GTF2IRD1: variants seen among roughly 807,000 people sequenced by gnomAD.
GTF2IRD1 encodes general transcription factor II-I repeat domain-containing protein 1.
Under a neutral mutation model 113.2 loss-of-function variants are expected in GTF2IRD1, and 26 were observed. The observed-to-expected ratio is 0.23, with a 90% CI of 0.17 to 0.32. The LOEUF is 0.32. Ranked by LOEUF, GTF2IRD1 falls within the 10% of genes least tolerant of loss-of-function variation. The pLI, the probability that GTF2IRD1 is intolerant of heterozygous loss-of-function variation, is 1.00. For synonymous variants in GTF2IRD1, 484 were observed against 529.1 expected, an observed-to-expected ratio of 0.91 and a Z score of 1.17; for missense variants, 864 against 1,280.8, an observed-to-expected ratio of 0.67 and a Z score of 4.97.
Position 74,508,058 on chromosome 7 carries a change from C to T in GTF2IRD1, c.-6-17C>T, listed in dbSNP as rs1554341591. ...CCTGCCTTGTGCCCACCACCACTGC[C>T]TCCTCCCTCCCCACAGGCGACCATG... On this transcript the variant is annotated splice_polypyrimidine_tract_variant and intron_variant, in intron 1 of 26. Transcript: ENST00000424337. 4 of 1,597,638 alleles carry T rather than the reference C, an allele frequency of 2.5e-6. No individual in the cohort carries two copies. Among genetic ancestry groups the T allele is most frequent in the Middle Eastern group, 1.7e-4 (1 of 5,968 alleles).
chr7:74,504,765 T>C (rs1255088496), intron 1 of GTF2IRD1, among the ~76,000 whole-genome samples: 4 of 149,396 alleles, frequency 2.7e-5, no homozygotes, highest in African/African-American at 9.9e-5. Flanking sequence ...TGGAATGCAG[T>C]GGCGCCATCT....
At chr7:74,582,122 G>A (rs1388064034) in intron 22 of GTF2IRD1, among the ~76,000 whole-genome samples, 4 of 152,220 alleles carry the variant, frequency 2.6e-5, no homozygotes, top group African/African-American at 7.2e-5. Context: ...CGGTTGCAGC[G>A]GGGGCCACGA....
At chr7:74,471,230 G>A (rs2117006928) in intron 1 of GTF2IRD1, among the ~76,000 whole-genome samples, 1 of 152,062 alleles carries the variant, frequency 6.6e-6, no homozygotes. Context: ...TCACCTGACT[G>A]TTTGCATTTG....
rs200547697 is a variant in GTF2IRD1 at position 74,601,117 on chromosome 7, G to A, written c.2703G>A (p.Ser901=). ...SEGNSVSSSS[S]SSSSSSSNPD... ...GAAATTCCGTCTCCTCTTCCTCCTC[G>A]TCTTCCTCTTCCTCGTCCTCTAACC... Residue 901 remains serine, a synonymous_variant, in exon 26 of 27, where the codon TCG becomes TCA. Transcript: ENST00000424337. 6.9e-5 allele frequency: 112 copies of A among 1,613,440 alleles called. No homozygotes were observed. The highest frequency in any genetic ancestry group is 2.8e-4 in the Admixed American group (17 of 59,816).
intron 1 of GTF2IRD1, among the ~76,000 whole-genome samples, chr7:74,499,908 A>G (rs1443685070): frequency 6.6e-6 from 1 of 152,254 alleles, no homozygotes; most frequent in African/African-American, 2.4e-5. Flanking sequence ...GAATTAGTCA[A>G]TGAATGCACA....
intron 22 of GTF2IRD1, among the ~76,000 whole-genome samples, chr7:74,568,492 C>G (rs1360645614): frequency 1.3e-5 from 2 of 151,964 alleles, no homozygotes; most frequent in Non-Finnish European, 2.9e-5. Context: ...ACTAAAAATA[C>G]AAAAAATTAG....
At chr7:74,546,916 C>G (rs1798977980) in intron 16 of GTF2IRD1, among the ~76,000 whole-genome samples, 187 bp from the exon 17 acceptor site, 1 of 152,128 alleles carries the variant, frequency 6.6e-6, no homozygotes, top group Admixed American at 6.5e-5. Context: ...AGACAAGTCA[C>G]GTCCCCTCTG....
At chr7:74,530,031 A>G in intron 9 of GTF2IRD1, 114 bp downstream of exon 9, 1 of 697,670 alleles carries the variant, frequency 1.4e-6, no homozygotes, top group South Asian at 1.8e-5. Flanking sequence ...TCAACATGGC[A>G]AAACCCCGTC....
chr7:74,511,214 A>C (rs1554342887), intron 2 of GTF2IRD1, among the ~76,000 whole-genome samples: 1 of 152,118 alleles, frequency 6.6e-6, no homozygotes, highest in African/African-American at 2.4e-5. Context: ...ATGGGTGACA[A>C]TGATATTTGC....
chr7:74,471,834 T>A (rs1037007256), intron 1 of GTF2IRD1, among the ~76,000 whole-genome samples: 1 of 147,414 alleles, frequency 6.8e-6, no homozygotes, highest in Admixed American at 6.8e-5. Flanking sequence ...TCTACTAAAA[T>A]TACAAAAATT....
intron 22 of GTF2IRD1, among the ~76,000 whole-genome samples, chr7:74,585,267 A>C (rs1234944282): frequency 6.8e-6 from 1 of 147,384 alleles, no homozygotes; most frequent in Non-Finnish European, 1.5e-5. Flanking sequence ...ATGCACCACC[A>C]CGCCCAGCTA....
chr7:74,554,395 A>C (rs1244036562), intron 17 of GTF2IRD1, among the ~76,000 whole-genome samples: 1 of 152,150 alleles, frequency 6.6e-6, no homozygotes, highest in Non-Finnish European at 1.5e-5. Context: ...TGTGGAGCTA[A>C]AGACATTAGC....
In GTF2IRD1 at chr7:74,524,098, C is replaced by G; in HGVS notation, c.1034C>G (p.Thr345Ser). The G allele has an allele frequency of 6.2e-7, 1 of 1,613,034 alleles. No homozygotes were observed. Reference sequence around the variant, plus strand: ...AAGTGGGACGCCTTCATAAAGGAAACCGAGGACATCAACACGCTCCGGGAG... The same window carrying G: ...AAGTGGGACGCCTTCATAAAGGAAAGCGAGGACATCAACACGCTCCGGGAG... ...SEKWDAFIKE[T>S]EDINTLRECV... Residue 345 changes from threonine (T) to serine (S), a missense_variant, in exon 8 of 27, where the codon ACC (threonine) becomes AGC (serine). By Grantham distance (58) the Thr-to-Ser change is moderately conservative. This residue lies in a region of GTF2IRD1 where 218 missense variants were observed against 352.6 expected (regional missense o/e 0.62). Coordinates refer to ENST00000424337, the MANE Select transcript of GTF2IRD1 (RefSeq NM_005685.4).
chr7:74,530,274 G>A (rs908032652), intron 9 of GTF2IRD1, among the ~76,000 whole-genome samples: 3 of 152,050 alleles, frequency 2.0e-5, no homozygotes, highest in Admixed American at 6.6e-5. Flanking sequence ...CTTGGGCTCC[G>A]GGTTTTGGGG....
intron 14 of GTF2IRD1, 74 bp from the exon 15 acceptor site, chr7:74,544,681 C>G (rs1798822049): frequency 1.4e-6 from 2 of 1,467,414 alleles, no homozygotes; most frequent in African/African-American, 1.4e-5. Flanking sequence ...CCCCAGCTAT[C>G]TGGCCTGACG....
intron 25 of GTF2IRD1, among the ~76,000 whole-genome samples, chr7:74,595,336 G>A (rs1197429751): frequency 1.3e-5 from 2 of 151,582 alleles, no homozygotes; most frequent in Non-Finnish European, 2.9e-5. Context: ...AACCCGGGAG[G>A]CAGAGGTTGC....
At chr7:74,510,786 C>T (rs913744407) in intron 2 of GTF2IRD1, among the ~76,000 whole-genome samples, 1 of 151,956 alleles carries the variant, frequency 6.6e-6, no homozygotes, top group Admixed American at 6.6e-5. Context: ...CAATGGCTCA[C>T]GCATATAATC....
chr7:74,570,305 A>G (rs1276448569), intron 22 of GTF2IRD1, among the ~76,000 whole-genome samples: 2 of 151,378 alleles, frequency 1.3e-5, no homozygotes, highest in East Asian at 2.0e-4. Context: ...AGAGGTTGCA[A>G]TGAGCTGAGA....
intron 22 of GTF2IRD1, among the ~76,000 whole-genome samples, chr7:74,583,453 A>G (rs184933568): frequency 1.3e-5 from 2 of 149,256 alleles, no homozygotes; most frequent in Admixed American, 1.3e-4. Flanking sequence ...CAGTCTCCCA[A>G]ATTGCTGGGA....
Sources: allele counts gnomAD v4.1 joint callset (sites outside exome capture counted in the v4.1 genomes callset), GRCh38; gene constraint gnomAD v4.1.1; regional missense constraint gnomAD v4.1.1; transcripts MANE v1.5; gene names NCBI Gene and HGNC (gene_info 2026-07-23, HGNC 2026-07-21).